Variants in CNTN5 observed in about 807,000 individuals in gnomAD.
The protein encoded by CNTN5 is contactin 5.
Under a neutral mutation model 129.1 loss-of-function variants are expected in CNTN5, and 77 were observed. The ratio of observed to expected loss-of-function variants is 0.60; its 90% CI spans 0.50 to 0.72. The LOEUF is 0.72. CNTN5 is among the 30% of genes least tolerant of loss of function. The probability of loss-of-function intolerance (pLI) is 0.00; values close to 1 mark genes in which losing one functional copy is unlikely to be tolerated. For missense variants in CNTN5, 1,478 were observed against 1,328.8 expected (o/e 1.11, Z -1.75); for synonymous variants, 509 against 465.6 (o/e 1.09, Z -1.20).
chr11:99,515,836 C>G (rs1395875133), intron 2 of CNTN5, among the ~76,000 whole-genome samples: 1 of 151,156 alleles, frequency 6.6e-6, no homozygotes, highest in East Asian at 1.9e-4. Flanking sequence ...TTCATTATAT[C>G]AATTGCTATT....
chr11:99,281,421 G>T (rs1157045329), intron 1 of CNTN5, among the ~76,000 whole-genome samples: 1 of 151,970 alleles, frequency 6.6e-6, no homozygotes, highest in Non-Finnish European at 1.5e-5. Context: ...TGATGTAAGT[G>T]CAAAATCAGC....
chr11:99,695,015 T>C (rs983503561), intron 3 of CNTN5, among the ~76,000 whole-genome samples: 3 of 152,078 alleles, frequency 2.0e-5, no homozygotes, highest in African/African-American at 7.2e-5. Flanking sequence ...AATACATTAC[T>C]TTTTTACAGT....
intron 2 of CNTN5, among the ~76,000 whole-genome samples, chr11:99,342,968 A>C (rs1476133764): frequency 6.6e-6 from 1 of 152,174 alleles, no homozygotes; most frequent in Non-Finnish European, 1.5e-5. Flanking sequence ...ATACAAAACA[A>C]AAAACAAAAC....
intron 1 of CNTN5, among the ~76,000 whole-genome samples, chr11:99,029,399 A>G (rs181519068): frequency 6.6e-6 from 1 of 152,128 alleles, no homozygotes; most frequent in Admixed American, 6.6e-5. Flanking sequence ...TTGGGGATTC[A>G]AAGGAAGTGA....
rs1410348529 is a variant in CNTN5 at position 99,240,449 on chromosome 11, AG to A, written c.-209-84896del. Among the ~76,000 whole-genome samples, 3 of 152,174 alleles carry A rather than the reference AG, an allele frequency of 2.0e-5. No homozygotes were observed. The East Asian group carries it at 5.8e-4, about 29-fold the overall frequency. On this transcript the variant is annotated intron_variant, in intron 1 of 24. Coordinates refer to ENST00000524871, the MANE Select transcript of CNTN5 (RefSeq NM_014361.4). ...CGTCCAAGCTGCTCTTGGCCACAGA[AG>A]AAAACATTTGTGTTTTTTCCACAAC...
intron 4 of CNTN5, among the ~76,000 whole-genome samples, chr11:99,842,454 G>A (rs928661480): frequency 1.3e-5 from 2 of 152,106 alleles, no homozygotes; most frequent in Admixed American, 6.5e-5. Context: ...TGTAAAGTAG[G>A]CATTATTATC....
intron 3 of CNTN5, among the ~76,000 whole-genome samples, chr11:99,673,734 A>C (rs148320950): frequency 0.014 from 2,076 of 147,532 alleles, 21 homozygotes; most frequent in Admixed American, 0.021. Context: ...GCTAAGGATA[A>C]AGGCTTCCAG....
intron 6 of CNTN5, among the ~76,000 whole-genome samples, chr11:99,861,766 G>T (rs1410616107): frequency 2.0e-5 from 3 of 152,166 alleles, no homozygotes; most frequent in African/African-American, 7.2e-5. Context: ...CCAGCCTATT[G>T]TGATTGTTGT....
chr11:99,390,782 A>T (rs1298621575), intron 2 of CNTN5, among the ~76,000 whole-genome samples: 2 of 152,138 alleles, frequency 1.3e-5, no homozygotes, highest in African/African-American at 4.8e-5. Context: ...TGATATAATT[A>T]TATTGTAATA....
At chr11:99,509,996 C>T (rs1252741804) in intron 2 of CNTN5, among the ~76,000 whole-genome samples, 2 of 151,274 alleles carry the variant, frequency 1.3e-5, no homozygotes, top group Non-Finnish European at 3.0e-5. Context: ...CTCTTTGCCT[C>T]AATTTTAAAA....
At chr11:100,236,964 T>C (rs931306554) in intron 16 of CNTN5, among the ~76,000 whole-genome samples, 2 of 151,302 alleles carry the variant, frequency 1.3e-5, no homozygotes, top group Non-Finnish European at 2.9e-5. Flanking sequence ...CCAAGGCGGG[T>C]GGATCACGAG....
intron 1 of CNTN5, among the ~76,000 whole-genome samples, chr11:99,298,825 C>T (rs1009071449): frequency 6.6e-6 from 1 of 151,914 alleles, no homozygotes; most frequent in East Asian, 1.9e-4. Context: ...TGAGATAAAC[C>T]CCCCTCCAAC....
intron 21 of CNTN5, chr11:100,336,827 C>T (rs556358742): frequency 2.0e-4 from 87 of 425,458 alleles, no homozygotes; most frequent in Non-Finnish European, 3.5e-4. Context: ...CTAACCTTCC[C>T]GGCCTCTTCC....
intron 1 of CNTN5, among the ~76,000 whole-genome samples, chr11:99,235,421 A>C (rs1861215102): frequency 6.6e-6 from 1 of 152,124 alleles, no homozygotes; most frequent in African/African-American, 2.4e-5. Flanking sequence ...AGATGAAAGA[A>C]AAAATATGAG....
At chr11:99,024,286 GTT>G (rs2135060253) in intron 1 of CNTN5, among the ~76,000 whole-genome samples, 1 of 152,116 alleles carries the variant, frequency 6.6e-6, no homozygotes, top group East Asian at 1.9e-4. Context: ...AATATTATTA[GTT>G]TATGTTTTTT....
intron 2 of CNTN5, among the ~76,000 whole-genome samples, chr11:99,521,380 C>T (rs1239610321): frequency 6.6e-6 from 1 of 152,038 alleles, no homozygotes; most frequent in Admixed American, 6.6e-5. Context: ...ATGCCTAAAT[C>T]ACAAGTTTCT....
intron 1 of CNTN5, among the ~76,000 whole-genome samples, chr11:99,134,836 T>G (rs1299486264): frequency 6.6e-6 from 1 of 152,208 alleles, no homozygotes; most frequent in Non-Finnish European, 1.5e-5. Flanking sequence ...TAATGACATG[T>G]GAATGATTAT....
chr11:99,393,745 A>G (rs1394453), intron 2 of CNTN5, among the ~76,000 whole-genome samples: 151,687 of 151,844 alleles, frequency 1, 75,766 homozygotes, highest in Non-Finnish European at 1. Flanking sequence ...CTGAAAAGAA[A>G]CATATGAGTT....
At chr11:99,473,079 T>G (rs927487617) in intron 2 of CNTN5, among the ~76,000 whole-genome samples, 1 of 152,186 alleles carries the variant, frequency 6.6e-6, no homozygotes, top group Non-Finnish European at 1.5e-5. Flanking sequence ...GTATACATAT[T>G]TATTTTGTCT....
Sources: allele counts gnomAD v4.1 joint callset (sites outside exome capture counted in the v4.1 genomes callset), GRCh38; gene constraint gnomAD v4.1.1; transcripts MANE v1.5; gene names NCBI Gene and HGNC (gene_info 2026-07-23, HGNC 2026-07-21).